The following CEP290 variants were observed in gnomAD, a reference collection of about 807,000 sequenced individuals.
CEP290 encodes centrosomal protein 290, also known as centrosomal protein of 290 kDa.
Under a neutral mutation model 344.9 loss-of-function variants are expected in CEP290, and 317 were observed. The ratio of observed to expected loss-of-function variants is 0.92; its 90% CI spans 0.84 to 1.01. The LOEUF is 1.01. Among genes scored for constraint, CEP290 ranks in the 50% least tolerant of loss-of-function variants. The pLI is 0.00. For synonymous variants in CEP290, 932 were observed against 895.8 expected (o/e 1.04, Z -0.72); for missense variants, 2,754 against 2,761.4 (o/e 1.00, Z 0.06).
intron 52 of CEP290, among the ~76,000 whole-genome samples, chr12:88,052,622 G>T (rs556441924): frequency 1.3e-5 from 2 of 151,996 alleles, no homozygotes; most frequent in African/African-American, 2.4e-5. Flanking sequence ...AATATGTACA[G>T]ACATGCATAT....
rs1044581960 is a variant in CEP290, at chr12:88,139,031, C to A, written c.297+114G>T. 35 of 614,560 alleles carry A rather than the reference C, an allele frequency of 5.7e-5. No homozygotes were observed. In the Admixed American group the frequency reaches 8.3e-4, roughly 15 times the overall value. 38.1% of individuals were successfully genotyped at this position (614,560 alleles called of 1,614,324 possible). On this transcript the variant is annotated intron_variant, in intron 5 of 53. Transcript: ENST00000552810. ...GAACATATACAGAATAAACAAATAA[C>A]CATGATTACAATCATCCTTATAATT... is the stretch of plus-strand genomic sequence containing the variant.
chr12:88,059,880 C>G lies in CEP290; in HGVS notation c.6645+18G>C. On this transcript the variant is annotated intron_variant, in intron 48 of 53. Coordinates refer to ENST00000552810, the MANE Select transcript of CEP290 (RefSeq NM_025114.4). ...TAAAATAAAAATCAAAAGTTATAAT[C>G]AGTCATAAAAGTCATACTTTTTTAA... is the stretch of plus-strand genomic sequence containing the variant. 6.4e-7 allele frequency: 1 copy of G among 1,554,606 alleles called. No homozygotes were observed. The highest frequency in any genetic ancestry group is 1.2e-5 in the South Asian group (1 of 81,302).
chr12:88,126,517 C>A (rs1275223382), intron 11 of CEP290, 79 bp from the exon 12 acceptor site: 8 of 958,998 alleles, frequency 8.3e-6, no homozygotes, highest in Non-Finnish European at 1.2e-5. Context: ...ATAATAAACA[C>A]CGTTAGTAGA....
intron 26 of CEP290, among the ~76,000 whole-genome samples, chr12:88,098,819 A>G (rs1478431906): frequency 6.6e-6 from 1 of 152,110 alleles, no homozygotes; most frequent in Non-Finnish European, 1.5e-5. Flanking sequence ...AAGATCTGAG[A>G]GGAAAAAATG....
chr12:88,120,271 T>A lies in CEP290; in HGVS notation c.1365A>T (p.Val455=). The A allele has an allele frequency of 7.5e-7, 1 of 1,326,764 alleles. No homozygotes were observed. Among genetic ancestry groups the A allele is most frequent in the Non-Finnish European group, 1.0e-6 (1 of 999,338 alleles). 82.2% of individuals were successfully genotyped at this position (1,326,764 alleles called of 1,614,324 possible). Reference sequence around the variant, plus strand: ...CAACGACAGCATCTTCTAAACCATATACTCCCTGAAAAATATCCAATTTAA... The same window carrying A: ...CAACGACAGCATCTTCTAAACCATAAACTCCCTGAAAAATATCCAATTTAA... The part of the protein sequence containing the change: ...LKRLKDYESG[V]YGLEDAVVEI... The change falls in exon 15 of 54, where the codon GTA becomes GTT. Residue 455 remains valine (V), a synonymous_variant. Transcript: ENST00000552810.
chr12:88,055,477 T>C, intron 50 of CEP290, 99 bp downstream of exon 50: 2 of 1,120,024 alleles, frequency 1.8e-6, no homozygotes, highest in Non-Finnish European at 2.4e-6. Flanking sequence ...AGATGGGTCT[T>C]CTTAATAGAG....
In CEP290 at chr12:88,130,374, T is replaced by A. The variant is rs746511786; in HGVS notation, c.563A>T (p.Asp188Val). 3.1e-6 allele frequency: 5 copies of A among 1,610,690 alleles called. No homozygotes were observed. The Admixed American group carries it at 5.0e-5, about 16-fold the overall frequency. ...QDIIDYQKQIDSQKETLLSRR... is the reference protein window; with the variant it reads ...QDIIDYQKQIVSQKETLLSRR... The stretch of plus-strand genomic sequence containing the variant: ...TGATAAAAGTGTTTCTTTCTGTGAA[T>A]CTATTTGTTTCTGGTAGTCAATAAT... Residue 188 changes from aspartate (D) to valine (V), a missense_variant, in exon 9 of 54, where the codon GAT becomes GTT. Coordinates refer to ENST00000552810, the MANE Select transcript of CEP290 (RefSeq NM_025114.4).
intron 45 of CEP290, among the ~76,000 whole-genome samples, chr12:88,063,658 A>G (rs1378125324): frequency 6.6e-6 from 1 of 151,814 alleles, no homozygotes; most frequent in Non-Finnish European, 1.5e-5. Context: ...TACACCAATC[A>G]TGCTTTATTT....
In CEP290 at chr12:88,089,055, T is replaced by G; in HGVS notation, c.4006A>C (p.Lys1336Gln). The part of the protein sequence containing the change: ...KGLEELISTL[K>Q]DTKGAQKVIN... ...ACCTTTTGGGCTCCTTTGGTATCCT[T>G]TAAAGTGCTTATTAACTCTTCCAGG... The change falls in exon 31 of 54, where the codon AAG becomes CAG. Residue 1336 changes from lysine (K) to glutamine (Q), a missense_variant. Coordinates refer to ENST00000552810, the MANE Select transcript of CEP290 (RefSeq NM_025114.4). 1 of 1,521,234 alleles carries G rather than the reference T, an allele frequency of 6.6e-7. No homozygotes were observed. The highest frequency in any genetic ancestry group is 8.8e-7 in the Non-Finnish European group (1 of 1,138,954). The allele number at this position is 1,521,234 out of a possible 1,614,324, so 94.2% of individuals were successfully genotyped here. A position where few individuals can be genotyped will look rare whatever the true frequency, so the allele number is the denominator to read the frequency against.
At position 88,086,034 on chromosome 12, in the gene CEP290, A is replaced by G. The variant is rs1353308217; in HGVS notation, c.4437+5T>C. The stretch of plus-strand genomic sequence containing the variant: ...ACTAATCAAAATGCAAATTCTTCTA[A>G]TTACCTCTTCTAGTGATTTGCAAGT... On this transcript the variant is annotated splice_donor_5th_base_variant and intron_variant, in intron 34 of 53. Coordinates refer to ENST00000552810, the MANE Select transcript of CEP290 (RefSeq NM_025114.4). 1 of 1,604,770 alleles carries G rather than the reference A, an allele frequency of 6.2e-7. No homozygotes were observed. Among genetic ancestry groups the G allele is most frequent in the Non-Finnish European group, 8.5e-7 (1 of 1,175,342 alleles).
intron 14 of CEP290, among the ~76,000 whole-genome samples, chr12:88,120,674 T>C (rs1382030216): frequency 6.6e-6 from 1 of 152,186 alleles, no homozygotes; most frequent in Non-Finnish European, 1.5e-5. Context: ...AGTATGTTCC[T>C]GTCATAAATT....
At chr12:88,060,708 A>G in intron 47 of CEP290, 122 bp downstream of exon 47, 1 of 671,496 alleles carries the variant, frequency 1.5e-6, no homozygotes, top group Non-Finnish European at 2.3e-6. Flanking sequence ...TTCTATATTT[A>G]TAAAATATGT....
Position 88,139,567 on chromosome 12 carries a change from A to C in CEP290, c.181-3T>G, listed in dbSNP as rs770415774. The C allele has an allele frequency of 6.4e-7, 1 of 1,562,210 alleles. No individual in the cohort carries two copies. The highest frequency in any genetic ancestry group is 8.6e-7 in the Non-Finnish European group (1 of 1,157,104). On this transcript the variant is annotated splice_region_variant and splice_polypyrimidine_tract_variant and intron_variant, in intron 3 of 53. Coordinates refer to ENST00000552810, the MANE Select transcript of CEP290 (RefSeq NM_025114.4). The stretch of plus-strand genomic sequence containing the variant: ...AGCTCCACTTCTTGAGCTTTCATCT[A>C]AACATTAAAAAAAGGTTATTTCAAT...
intron 6 of CEP290, among the ~76,000 whole-genome samples, chr12:88,133,531 G>A (rs1313147443): frequency 1.3e-5 from 2 of 152,146 alleles, no homozygotes; most frequent in South Asian, 2.1e-4. Flanking sequence ...ATGTGTGCAA[G>A]TATCTTTATA....
intron 43 of CEP290, among the ~76,000 whole-genome samples, chr12:88,069,347 T>C (rs1381398412): frequency 1.3e-5 from 2 of 151,998 alleles, no homozygotes; most frequent in Non-Finnish European, 2.9e-5. Context: ...TTCTATAAAG[T>C]ATTCCAATTA....
At chr12:88,061,445 TAC>T (rs1361006703) in intron 46 of CEP290, among the ~76,000 whole-genome samples, 4 of 152,178 alleles carry the variant, frequency 2.6e-5, no homozygotes, top group Non-Finnish European at 5.9e-5. Flanking sequence ...TGCTTAGAAA[TAC>T]AGTTTCTGTT....
intron 20 of CEP290, among the ~76,000 whole-genome samples, chr12:88,114,046 A>G (rs1312524958): frequency 6.6e-6 from 1 of 152,050 alleles, no homozygotes; most frequent in African/African-American, 2.4e-5. Context: ...CATCTTTCTC[A>G]TCTAGAAAAC....
chr12:88,136,506 G>A (rs2040359960), intron 6 of CEP290, 137 bp downstream of exon 6: 1 of 800,272 alleles, frequency 1.2e-6, no homozygotes, highest in African/African-American at 1.8e-5. Context: ...AATGAACAGT[G>A]ATATAAAACC....
At chr12:88,125,877 G>C (rs1335050971) in intron 12 of CEP290, among the ~76,000 whole-genome samples, 1 of 151,848 alleles carries the variant, frequency 6.6e-6, no homozygotes, top group Non-Finnish European at 1.5e-5. Context: ...TTTTATTTGG[G>C]TTATTTTCAC....
Sources: gnomAD v4.1 joint callset for allele counts (sites outside exome capture counted in the v4.1 genomes callset) on GRCh38, gnomAD v4.1.1 for gene constraint, MANE v1.5 for transcripts, NCBI Gene and HGNC (gene_info 2026-07-23, HGNC 2026-07-21) for gene names.